Variants in MACF1 observed in about 807,000 individuals in gnomAD.
MACF1 encodes microtubule-actin cross-linking factor 1.
A neutral mutation model predicts 854.8 loss-of-function variants in MACF1; 193 were observed. The ratio of observed to expected loss-of-function variants is 0.23; its 90% confidence interval spans 0.20 to 0.25. The LOEUF (loss-of-function observed/expected upper bound fraction) is 0.25, where lower values mean the gene tolerates loss of function less well. Ranked by LOEUF, MACF1 falls within the 10% of genes least tolerant of loss-of-function variation. The probability of loss-of-function intolerance (pLI) is 1.00; values close to 1 mark genes in which losing one functional copy is unlikely to be tolerated. For missense variants in MACF1, 7,722 were observed against 8,929.1 expected (o/e 0.86, Z 5.45); for synonymous variants, 3,185 against 3,226.7 (o/e 0.99, Z 0.44).
chr1:39,087,779 CT>C (rs879394769), intron 2 of MACF1, among the ~76,000 whole-genome samples: 67 of 146,854 alleles, frequency 4.6e-4, no homozygotes, highest in East Asian at 3.0e-3. Flanking sequence ...ATTGCTATTT[CT>C]TTTTTTTTTT....
chr1:39,241,255 T>C (rs912321339), intron 2 of MACF1, among the ~76,000 whole-genome samples: 1 of 152,200 alleles, frequency 6.6e-6, no homozygotes, highest in Non-Finnish European at 1.5e-5. Context: ...AACTTTCTCC[T>C]CTGCCCTATA....
At chr1:39,485,406 A>T in intron 100 of MACF1, 132 bp from the exon 101 acceptor site, 1 of 1,060,528 alleles carries the variant, frequency 9.4e-7, no homozygotes, top group South Asian at 1.7e-5. Flanking sequence ...TGTATGGATG[A>T]GGAAACTGGG....
rs1279456164 is a variant in MACF1, at chr1:39,295,770, G to T, written c.2260-17G>T. 6.2e-7 allele frequency: 1 copy of T among 1,602,400 alleles called. No homozygotes were observed. The highest frequency in any genetic ancestry group is 1.3e-5 in the African/African-American group (1 of 74,578). On this transcript the variant is annotated splice_polypyrimidine_tract_variant and intron_variant, in intron 19 of 100. Transcript: ENST00000564288. ...GTTAAACTCAAGCCCTTCTGTCTGT[G>T]TGCTTGTTTATTGCAGGCTTACAGT...
rs1220019675 is a variant in MACF1, at chr1:39,434,564, C to T, written c.17716C>T (p.Leu5906=). 1.9e-6 allele frequency: 3 copies of T among 1,614,060 alleles called. No individual in the cohort carries two copies. The highest frequency in any genetic ancestry group is 2.5e-6 in the Non-Finnish European group (3 of 1,180,022). ...LSPWIEETRA[L]IAQLPSPAID... ...CCCCTGGATTGAGGAAACTCGGGCA[C>T]TAATAGCACAGTTACCCTCTCCAGC... Residue 5906 remains leucine (L), a synonymous_variant, in exon 69 of 101, where the codon CTA becomes TTA. Transcript: ENST00000564288.
At chr1:39,340,739 T>C in intron 39 of MACF1, 22 bp downstream of exon 39, 1 of 1,613,252 alleles carries the variant, frequency 6.2e-7, no homozygotes, top group South Asian at 1.1e-5. Flanking sequence ...CTTTTATTCA[T>C]AAAGGCTCAC....
chr1:39,186,170 ATCTCTCTCTCTCTCTCTCTC>A (rs55658204), intron 2 of MACF1, among the ~76,000 whole-genome samples: 36 of 109,986 alleles, frequency 3.3e-4, no homozygotes, highest in Admixed American at 6.8e-4. Flanking sequence ...GATTCTGAAC[ATCTCTCTCTCTCTCTCTCTC>A]TCTCTCTCTC....
intron 26 of MACF1, among the ~76,000 whole-genome samples, chr1:39,312,165 A>G (rs892078912): frequency 6.6e-6 from 1 of 152,184 alleles, no homozygotes; most frequent in African/African-American, 2.4e-5. Context: ...TTGAGGCTTC[A>G]GTTAGCTATA....
At chr1:39,455,851 A>G (rs143667934) in intron 89 of MACF1, among the ~76,000 whole-genome samples, 3 of 152,308 alleles carry the variant, frequency 2.0e-5, no homozygotes, top group South Asian at 2.1e-4. Context: ...GGCAAATACT[A>G]TTTTTAACCA....
chr1:39,458,838 G>A (rs530721445), intron 90 of MACF1: 2 of 500,082 alleles, frequency 4.0e-6, no homozygotes, highest in African/African-American at 1.9e-5. Flanking sequence ...TTGAGTTAAC[G>A]TGTCATCAGC....
In MACF1 at chr1:39,105,546, TG is replaced by T; in HGVS notation, c.220+21112del. 9.4e-7 allele frequency: 1 copy of T among 1,064,896 alleles called. No homozygotes were observed. Among genetic ancestry groups the T allele is most frequent in the South Asian group, 2.5e-5 (1 of 39,774 alleles). The allele number at this position is 1,064,896 out of a possible 1,614,324, so 66.0% of individuals were successfully genotyped here. A position where few individuals can be genotyped will look rare whatever the true frequency, so the allele number is the denominator to read the frequency against. On this transcript the variant is annotated intron_variant, in intron 2 of 93. Coordinates refer to the MACF1 transcript ENST00000361689. This position sits in a 1 kb window ranked among gnomAD's most constrained non-coding sequence, Gnocchi z 5.9. Reference sequence around the variant, plus strand: ...TCTGAGACGCACAAAGGGTCGAGGCTGGGGCCGCCGCCGCCTCAGCGCGCGG... The same window carrying T: ...TCTGAGACGCACAAAGGGTCGAGGCTGGGCCGCCGCCGCCTCAGCGCGCGG...
At chr1:39,273,982 A>T (rs1377054817) in intron 6 of MACF1, among the ~76,000 whole-genome samples, 15 of 152,220 alleles carry the variant, frequency 9.9e-5, no homozygotes, top group East Asian at 1.9e-4. Flanking sequence ...GTTATGTTTT[A>T]AAAAAGGCCT....
intron 93 of MACF1, among the ~76,000 whole-genome samples, chr1:39,462,405 C>A (rs1013063093): frequency 2.0e-5 from 3 of 152,108 alleles, no homozygotes; most frequent in Non-Finnish European, 4.4e-5. Flanking sequence ...ACCAGTGTAG[C>A]ATTTAAGGGT....
At chr1:39,443,401 T>C (rs1252146415) in intron 78 of MACF1, 45 bp from the exon 79 acceptor site, 5 of 1,558,890 alleles carry the variant, frequency 3.2e-6, no homozygotes, top group Non-Finnish European at 4.3e-6. Context: ...CTTTTAAAGC[T>C]GAGAAATGAC....
rs1364257102 is a variant in MACF1, at chr1:39,485,679, G to C, written c.22553G>C (p.Ser7518Thr). ...QSACSDTSES[S>T]AAGGQGNSRR... ...GCTTGTTCCGACACTTCAGAAAGCAGCGCTGCAGGGGGCCAAGGCAACTCC... is the reference window on the plus strand; with the variant it reads ...GCTTGTTCCGACACTTCAGAAAGCACCGCTGCAGGGGGCCAAGGCAACTCC... The change falls in exon 101 of 101, where the codon AGC becomes ACC. Residue 7518 changes from serine to threonine, a missense_variant. Transcript: ENST00000564288. The C allele has an allele frequency of 1.2e-6, 2 of 1,614,024 alleles. No individual in the cohort carries two copies. Among genetic ancestry groups the C allele is most frequent in the African/African-American group, 2.7e-5 (2 of 74,906 alleles).
At chr1:39,319,786 C>A (rs1371692366) in intron 31 of MACF1, 39 bp downstream of exon 31, 1 of 1,436,030 alleles carries the variant, frequency 7.0e-7, no homozygotes, top group East Asian at 2.3e-5. Context: ...TGAATCATCA[C>A]CAGCTCAGGA....
At position 39,294,839 on chromosome 1, in the gene MACF1, TC is replaced by T. The variant is rs528514395; in HGVS notation, c.2155-204del. Among the ~76,000 whole-genome samples, 7 of 152,286 alleles carry T rather than the reference TC, an allele frequency of 4.6e-5. 1 individual carries two copies. In the South Asian group the frequency reaches 1.0e-3, roughly 23 times the overall value. ...CCATTTTACTCACATCTGGGTCAGG[TC>T]CCATGTCCTTTGTGAATCATTTTCC... On this transcript the variant is annotated intron_variant, in intron 18 of 100. Coordinates refer to ENST00000564288, the MANE Select transcript of MACF1 (RefSeq NM_001394062.1).
chr1:39,216,616 A>AG (rs992757877), intron 1 of MACF1, among the ~76,000 whole-genome samples: 93 of 151,976 alleles, frequency 6.1e-4, no homozygotes, highest in African/African-American at 2.1e-3. Flanking sequence ...GTGCTTTTTG[A>AG]GGAAAAAAAG....
intron 2 of MACF1, among the ~76,000 whole-genome samples, chr1:39,150,297 G>A (rs1001278895): frequency 6.6e-6 from 1 of 152,192 alleles, no homozygotes; most frequent in African/African-American, 2.4e-5. Flanking sequence ...GGGATTACAG[G>A]TGTGAGCCAC....
At chr1:39,203,489 G>A (rs1386879768), upstream of MACF1, among the ~76,000 whole-genome samples, 1 of 152,214 alleles carries the variant, frequency 6.6e-6, no homozygotes, top group Non-Finnish European at 1.5e-5. Context: ...ACAAGCATGA[G>A]CCACTGCATC....
Sources: gnomAD v4.1 joint callset for allele counts (sites outside exome capture counted in the v4.1 genomes callset) on GRCh38, gnomAD v4.1.1 for gene constraint, Gnocchi (gnomAD v3.1) non-coding constraint, MANE v1.5 for transcripts, NCBI Gene and HGNC (gene_info 2026-07-23, HGNC 2026-07-21) for gene names.